MARCHF1: variants seen among roughly 807,000 people sequenced by gnomAD.
MARCHF1 encodes membrane associated ring-CH-type finger 1.
In MARCHF1, 40 loss-of-function variants were observed where a neutral mutation model predicts 54.2. That is an observed-to-expected ratio of 0.74 (90% CI 0.57 to 0.96). MARCHF1 has a LOEUF of 0.96. MARCHF1 is among the 40% of genes least tolerant of loss of function. The probability of loss-of-function intolerance (pLI) is 0.00; values close to 1 mark genes in which losing one functional copy is unlikely to be tolerated. For missense variants in MARCHF1, 586 were observed against 656.5 expected (o/e 0.89, Z 1.17); for synonymous variants, 236 against 236.3 (o/e 1.00, Z 0.01).
intron 3 of MARCHF1, among the ~76,000 whole-genome samples, chr4:163,866,466 TTA>T (rs57733725): frequency 5.6e-5 from 7 of 124,394 alleles, no homozygotes; most frequent in Admixed American, 9.0e-5. Context: ...AAAGCTGTAG[TTA>T]TATATATATA....
chr4:163,674,836 GT>G (rs1561011927), intron 5 of MARCHF1, among the ~76,000 whole-genome samples: 1 of 152,100 alleles, frequency 6.6e-6, no homozygotes, highest in Non-Finnish European at 1.5e-5. Context: ...CAGATAATTG[GT>G]AATATTAGAC....
At chr4:163,842,308 A>C (rs1749363171) in intron 4 of MARCHF1, among the ~76,000 whole-genome samples, 1 of 152,058 alleles carries the variant, frequency 6.6e-6, no homozygotes. Context: ...GAAATGGGGA[A>C]TACAGTATCT....
In MARCHF1 at chr4:164,318,407, A is replaced by G. The variant is rs926596777; in HGVS notation, c.-323+65463T>C. 2.1e-4 allele frequency among the ~76,000 whole-genome samples: 32 copies of G among 152,300 alleles called. No homozygotes were observed. In the Middle Eastern group the frequency reaches 0.01, roughly 49 times the overall value. ...TCCCTTCTGTGGAGTGAAGTTCTGT[A>G]AAACGTTCATACTGCCACACATAAT... On this transcript the variant is annotated intron_variant, in intron 1 of 9. Coordinates refer to ENST00000514618, the MANE Select transcript of MARCHF1 (RefSeq NM_001394959.1).
intron 4 of MARCHF1, among the ~76,000 whole-genome samples, chr4:163,701,324 T>C (rs556473504): frequency 6.8e-4 from 103 of 152,282 alleles, no homozygotes; most frequent in African/African-American, 2.4e-3. Flanking sequence ...ATTTTATTTA[T>C]TTTTTGTTAT....
rs1278673692 is a variant in MARCHF1, at chr4:164,147,322, G to A, written c.-322-35660C>T. 2.4e-4 allele frequency among the ~76,000 whole-genome samples: 35 copies of A among 148,120 alleles called. 1 individual carries two copies. The highest frequency in any genetic ancestry group is 1.8e-4 in the Non-Finnish European group (12 of 67,570). On this transcript the variant is annotated intron_variant, in intron 1 of 9. Coordinates refer to ENST00000514618, the MANE Select transcript of MARCHF1 (RefSeq NM_001394959.1). Reference sequence around the variant, plus strand: ...ATTTGACCCAGCCATCCCATTACTGGGTATATACCCAAAGGACTATAAATC... The same window carrying A: ...ATTTGACCCAGCCATCCCATTACTGAGTATATACCCAAAGGACTATAAATC...
At chr4:164,168,807 A>G (rs564065308) in intron 1 of MARCHF1, among the ~76,000 whole-genome samples, 1 of 152,182 alleles carries the variant, frequency 6.6e-6, no homozygotes, top group South Asian at 2.1e-4. Context: ...TTTACTACTG[A>G]TAGCCTACTG....
At chr4:164,060,795 T>C (rs868718170) in intron 2 of MARCHF1, among the ~76,000 whole-genome samples, 34 of 152,316 alleles carry the variant, frequency 2.2e-4, no homozygotes, top group African/African-American at 5.3e-4. Context: ...TGGACTCTTA[T>C]AAGCAACAAC....
intron 5 of MARCHF1, among the ~76,000 whole-genome samples, chr4:163,653,242 GCT>G (rs1743028988): frequency 6.6e-6 from 1 of 151,732 alleles, no homozygotes; most frequent in African/African-American, 2.4e-5. Context: ...ACATGAACAT[GCT>G]CTGATATGAT....
At chr4:164,054,218 C>T (rs561248274) in intron 2 of MARCHF1, among the ~76,000 whole-genome samples, 3 of 151,946 alleles carry the variant, frequency 2.0e-5, no homozygotes, top group African/African-American at 4.8e-5. Flanking sequence ...ATCAAAACCA[C>T]AGTGAGATAC....
chr4:164,303,269 G>C (rs1734610793), intron 1 of MARCHF1, among the ~76,000 whole-genome samples: 1 of 152,122 alleles, frequency 6.6e-6, no homozygotes, highest in South Asian at 2.1e-4. Context: ...TATAATTTGT[G>C]ACCAAACTTT....
chr4:163,934,291 T>C (rs1751745427), intron 3 of MARCHF1, among the ~76,000 whole-genome samples: 1 of 150,854 alleles, frequency 6.6e-6, no homozygotes, highest in Non-Finnish European at 1.5e-5. Flanking sequence ...ACCACTACAT[T>C]ATTTGCTTAT....
At chr4:164,075,013 A>G (rs892326077) in intron 2 of MARCHF1, among the ~76,000 whole-genome samples, 2 of 152,114 alleles carry the variant, frequency 1.3e-5, no homozygotes, top group African/African-American at 4.8e-5. Context: ...CTATGTGCAC[A>G]TTATATTTGA....
chr4:163,779,381 T>C (rs1252071250), intron 4 of MARCHF1, among the ~76,000 whole-genome samples: 1 of 152,200 alleles, frequency 6.6e-6, no homozygotes, highest in Non-Finnish European at 1.5e-5. Context: ...GGAAGTCTTT[T>C]TTTACTTAGC....
intron 5 of MARCHF1, among the ~76,000 whole-genome samples, chr4:163,654,738 T>G (rs1040805145): frequency 1.3e-5 from 2 of 151,696 alleles, no homozygotes; most frequent in East Asian, 3.9e-4. Flanking sequence ...CATCAGTGTC[T>G]TTCTTAGACT....
chr4:163,550,576 T>C (rs2110938258), intron 8 of MARCHF1, among the ~76,000 whole-genome samples: 1 of 152,118 alleles, frequency 6.6e-6, no homozygotes, highest in East Asian at 1.9e-4. Context: ...AGGTTCTTCC[T>C]GTCATTTTGC....
chr4:164,104,110 G>A (rs1579537379), intron 2 of MARCHF1, among the ~76,000 whole-genome samples: 2 of 150,298 alleles, frequency 1.3e-5, no homozygotes, highest in East Asian at 2.0e-4. Context: ...AGCTGAAATT[G>A]TGGCAATAAT....
intron 2 of MARCHF1, among the ~76,000 whole-genome samples, chr4:164,009,138 C>A (rs1753362436): frequency 6.6e-6 from 1 of 151,940 alleles, no homozygotes; most frequent in Non-Finnish European, 1.5e-5. Flanking sequence ...AAAACTGAGA[C>A]CTCAGTAATA....
At chr4:164,369,271 C>T (rs1052932564) in intron 1 of MARCHF1, among the ~76,000 whole-genome samples, 1 of 152,114 alleles carries the variant, frequency 6.6e-6, no homozygotes, top group Admixed American at 6.5e-5. Flanking sequence ...TACATTAATC[C>T]CTTTACTACA....
intron 4 of MARCHF1, among the ~76,000 whole-genome samples, chr4:163,835,071 T>C (rs1460233581): frequency 1.3e-5 from 2 of 152,086 alleles, no homozygotes; most frequent in African/African-American, 4.8e-5. Flanking sequence ...ATTGCAGAGA[T>C]GGAGTCTTGC....
Sources: allele counts gnomAD v4.1 joint callset (sites outside exome capture counted in the v4.1 genomes callset), GRCh38; gene constraint gnomAD v4.1.1; transcripts MANE v1.5; gene names NCBI Gene and HGNC (gene_info 2026-07-23, HGNC 2026-07-21).